The following CPT1A variants were observed in gnomAD, a reference collection of about 807,000 sequenced individuals.
The protein encoded by CPT1A is carnitine palmitoyltransferase 1A.
CPT1A carries 64 observed loss-of-function variants against 100.8 expected under a neutral mutation model. The ratio of observed to expected loss-of-function variants is 0.63; its 90% CI spans 0.52 to 0.78. The LOEUF (loss-of-function observed/expected upper bound fraction) is 0.78. Ranked by LOEUF, CPT1A falls within the 30% of genes least tolerant of loss-of-function variation. The pLI, the probability that CPT1A is intolerant of heterozygous loss-of-function variation, is 0.00. For synonymous variants in CPT1A, 363 were observed against 396.0 expected (o/e 0.92, Z 0.99); for missense variants, 802 against 1,034.1 (o/e 0.78, Z 3.08).
rs547462592 is a variant in CPT1A at position 68,826,870 on chromosome 11, G to A, written c.-13-11383C>T. ...TGGCATAAACAGGACTGGGACTACA[G>A]GTGGCTAACCTCACCTTCCTGGAAA... On this transcript the variant is annotated intron_variant, in intron 1 of 18. Transcript: ENST00000265641. Among the ~76,000 whole-genome samples the A allele has an allele frequency of 5.9e-4, 90 of 152,270 alleles. 4 individuals carry two copies. The South Asian group carries it at 0.017, about 28-fold the overall frequency.
chr11:68,755,287 G>A lies in CPT1A; in HGVS notation c.*2357C>T, dbSNP rs1027155633. The A allele has an allele frequency of 6.1e-6, 1 of 165,052 alleles. No homozygotes were observed. Among genetic ancestry groups the A allele is most frequent in the East Asian group, 1.7e-4 (1 of 5,732 alleles). The allele number at this position is 165,052 out of a possible 1,614,324, so 10.2% of individuals were successfully genotyped here. On this transcript the variant is annotated 3_prime_UTR_variant, in exon 19 of 19. Coordinates refer to ENST00000265641, the MANE Select transcript of CPT1A (RefSeq NM_001876.4). ...TGGTCAACAGTGCATGATCTAGCTG[G>A]CTCTGATAGGGACTGACGCCGGCTG...
rs562095132 is a variant in CPT1A, at chr11:68,790,367, G to A, written c.967+2948C>T. Among the ~76,000 whole-genome samples the A allele has an allele frequency of 6.6e-5, 10 of 152,254 alleles. No individual in the cohort carries two copies. In the South Asian group the frequency reaches 1.9e-3, roughly 28 times the overall value. On this transcript the variant is annotated intron_variant, in intron 9 of 18. Coordinates refer to ENST00000265641, the MANE Select transcript of CPT1A (RefSeq NM_001876.4). ...ATTACAGGCATGAGCCACCACATCT[G>A]GCCTGGAAATAGGGTCTTTGCTGAT...
rs569631547 is a variant in CPT1A, at chr11:68,772,406, C to A, written c.1740+859G>T. On this transcript the variant is annotated intron_variant, in intron 14 of 18. Transcript: ENST00000265641. ...CAATGCCACGATGACTTGTGCTGCC[C>A]CCAGAAACCAAGGGCCCCCTGTCTG... 4.6e-5 allele frequency among the ~76,000 whole-genome samples: 7 copies of A among 152,182 alleles called. No individual in the cohort carries two copies. The South Asian group carries it at 1.5e-3, about 32-fold the overall frequency.
rs570477492 is a variant in CPT1A at position 68,837,802 on chromosome 11, G to C, written c.-14+3973C>G. Among the ~76,000 whole-genome samples the C allele has an allele frequency of 2.6e-5, 4 of 152,170 alleles. No individual in the cohort carries two copies. The East Asian group carries it at 7.7e-4, about 29-fold the overall frequency. On this transcript the variant is annotated intron_variant, in intron 1 of 18. Transcript: ENST00000265641. ...GATTGCGCCACGGCACTCCAGCCTG[G>C]ACAACAGAGCAAGACCTTGTCACTA...
At chr11:68,837,222 TGTATTTTA>T (rs1857031302) in intron 1 of CPT1A, among the ~76,000 whole-genome samples, 1 of 152,268 alleles carries the variant, frequency 6.6e-6, no homozygotes, top group Admixed American at 6.5e-5. Context: ...GCTACCTTTT[TGTATTTTA>T]GTAAAGACGA....
At chr11:68,843,970 C>T (rs1393650589), upstream of CPT1A, among the ~76,000 whole-genome samples, 1 of 152,286 alleles carries the variant, frequency 6.6e-6, no homozygotes, top group African/African-American at 2.4e-5. The surrounding 1 kb of genome is among the most constrained non-coding windows in gnomAD (Gnocchi z 4.0). Context: ...TTTCCTCCCT[C>T]GCTCAGCGCC....
chr11:68,841,732 G>T lies in CPT1A; in HGVS notation c.-14+43C>A. 1.1e-6 allele frequency: 1 copy of T among 948,760 alleles called. No homozygotes were observed. The highest frequency in any genetic ancestry group is 1.3e-6 in the Non-Finnish European group (1 of 796,376). The allele number at this position is 948,760 out of a possible 1,614,324, so 58.8% of individuals were successfully genotyped here. ...CGTCCCCGGCCCCCGCAGCCCGCAGGGCCGCCCCGCCACCCTCCCCACCGC... is the reference window on the plus strand; with the variant it reads ...CGTCCCCGGCCCCCGCAGCCCGCAGTGCCGCCCCGCCACCCTCCCCACCGC... On this transcript the variant is annotated intron_variant, in intron 1 of 18. Coordinates refer to ENST00000265641, the MANE Select transcript of CPT1A (RefSeq NM_001876.4). This position sits in a 1 kb window ranked among gnomAD's most constrained non-coding sequence, Gnocchi z 6.3.
chr11:68,821,014 A>C (rs1237702772), intron 1 of CPT1A, among the ~76,000 whole-genome samples: 1 of 152,280 alleles, frequency 6.6e-6, no homozygotes, highest in East Asian at 1.9e-4. Context: ...TATTTTTTTG[A>C]GACACAGTCT....
At chr11:68,779,579 T>C (rs1160558977) in intron 12 of CPT1A, among the ~76,000 whole-genome samples, 1 of 148,398 alleles carries the variant, frequency 6.7e-6, no homozygotes, top group African/African-American at 2.5e-5. Context: ...GCAGATCCCC[T>C]GTGCCCAGGA....
At chr11:68,774,067 G>A (rs1233877806) in intron 13 of CPT1A, among the ~76,000 whole-genome samples, 5 of 152,214 alleles carry the variant, frequency 3.3e-5, no homozygotes, top group Admixed American at 3.3e-4. Context: ...CAAGACCCTG[G>A]ACGCATGCCA....
intron 1 of CPT1A, among the ~76,000 whole-genome samples, chr11:68,827,042 G>A (rs1365217908): frequency 3.3e-5 from 5 of 152,102 alleles, no homozygotes; most frequent in Admixed American, 6.6e-5. Flanking sequence ...GTGGAAGAAC[G>A]CCAGTCACTA....
chr11:68,809,358 A>T (rs939664831), intron 3 of CPT1A, among the ~76,000 whole-genome samples: 3 of 152,214 alleles, frequency 2.0e-5, no homozygotes, highest in African/African-American at 7.2e-5. Flanking sequence ...CACATTCAAG[A>T]TTTTTAAAAG....
intron 9 of CPT1A, among the ~76,000 whole-genome samples, chr11:68,788,630 T>TAAAAAAAAAAAAA: frequency 2.5e-4 from 7 of 27,552 alleles, no homozygotes; most frequent in Non-Finnish European, 3.7e-4. Flanking sequence ...CAAACAAAAG[T>TAAAAAAAAAAAAA]AAAAAAAAAA....
intron 1 of CPT1A, among the ~76,000 whole-genome samples, chr11:68,832,974 G>A (rs1033748705): frequency 6.6e-6 from 1 of 152,246 alleles, no homozygotes; most frequent in Non-Finnish European, 1.5e-5. Flanking sequence ...TGTCTCTGGC[G>A]AAGGGCAGGG....
At chr11:68,785,473 A>C (rs1245937626) in intron 9 of CPT1A, among the ~76,000 whole-genome samples, 2 of 151,574 alleles carry the variant, frequency 1.3e-5, no homozygotes, top group African/African-American at 4.9e-5. Flanking sequence ...AGGCAGGAGA[A>C]TCGCTTGAAA....
rs536036315 is a variant in CPT1A at position 68,795,464 on chromosome 11, G to A, written c.772-553C>T. 2.0e-5 allele frequency among the ~76,000 whole-genome samples: 3 copies of A among 152,132 alleles called. No individual in the cohort carries two copies. The South Asian group carries it at 6.2e-4, about 32-fold the overall frequency. On this transcript the variant is annotated intron_variant, in intron 7 of 18. Transcript: ENST00000265641. Reference sequence around the variant, plus strand: ...TAAACAAAGGTCTCCTGGCGGGAAGGGCATCAGATAAATAGCTCACTTCCA... The same window carrying A: ...TAAACAAAGGTCTCCTGGCGGGAAGAGCATCAGATAAATAGCTCACTTCCA...
intron 9 of CPT1A, among the ~76,000 whole-genome samples, chr11:68,792,291 C>T (rs181894014): frequency 2.4e-4 from 36 of 152,070 alleles, no homozygotes; most frequent in African/African-American, 8.4e-4. Context: ...GAGCCGAGAT[C>T]GCGCCACTGC....
chr11:68,842,534 C>T (rs928674453), upstream of CPT1A, among the ~76,000 whole-genome samples: 2 of 152,158 alleles, frequency 1.3e-5, no homozygotes, highest in Non-Finnish European at 2.9e-5. Flanking sequence ...CCACGAGTGG[C>T]AGTCATCGCG....
chr11:68,829,752 G>C (rs11228373), intron 1 of CPT1A, among the ~76,000 whole-genome samples: 111,297 of 152,024 alleles, frequency 0.73, 43,436 homozygotes, highest in Non-Finnish European at 0.87. Flanking sequence ...CTGTTCCTGA[G>C]CTAAGACCCC....
Sources: gnomAD v4.1 joint callset for allele counts (sites outside exome capture counted in the v4.1 genomes callset) on GRCh38, gnomAD v4.1.1 for gene constraint, Gnocchi (gnomAD v3.1) non-coding constraint, MANE v1.5 for transcripts, NCBI Gene and HGNC (gene_info 2026-07-23, HGNC 2026-07-21) for gene names.